The following CEP120 variants were observed in gnomAD, a reference collection of about 807,000 sequenced individuals.
CEP120 encodes centrosomal protein of 120 kDa.
In CEP120, 113 loss-of-function variants were observed where a neutral mutation model predicts 126.5. That is an observed-to-expected ratio of 0.89 (90% CI 0.77 to 1.04). The LOEUF (loss-of-function observed/expected upper bound fraction) is 1.04. CEP120 is among the 50% of genes least tolerant of loss of function. The pLI is 0.00. For synonymous variants in CEP120, 400 were observed against 394.3 expected (o/e 1.01, Z -0.17); for missense variants, 1,230 against 1,155.7 (o/e 1.06, Z -0.93).
chr5:123,421,627 A>G lies in CEP120; in HGVS notation c.49+1323T>C, dbSNP rs2127147460. Among the ~76,000 whole-genome samples, 2 of 146,988 alleles carry G rather than the reference A, an allele frequency of 1.4e-5. 1 individual carries two copies. Among genetic ancestry groups the G allele is most frequent in the African/African-American group, 5.1e-5 (2 of 39,448 alleles). On this transcript the variant is annotated intron_variant, in intron 1 of 19. Coordinates refer to ENST00000306467, the MANE Select transcript of CEP120 (RefSeq NM_001375405.1). ...ACCCTACCCTCAAACCTATATTTAC[A>G]GTACATATCACATATTTTAAATATT... is the stretch of plus-strand genomic sequence containing the variant.
At chr5:123,346,888 C>T (rs766861020) in intron 19 of CEP120, 135 bp from the exon 20 acceptor site, 45 of 609,524 alleles carry the variant, frequency 7.4e-5, no homozygotes, top group Non-Finnish European at 2.6e-5. Context: ...CAAAAAAAAC[C>T]AGTGTTCCAC....
intron 18 of CEP120, among the ~76,000 whole-genome samples, chr5:123,352,877 T>G (rs1036821619): frequency 1.4e-4 from 22 of 151,920 alleles, no homozygotes; most frequent in African/African-American, 5.3e-4. Context: ...CTAACATATT[T>G]CTTTGATTAT....
Position 123,350,037 on chromosome 5 carries a change from T to C in CEP120, c.2633A>G (p.Glu878Gly). The C allele has an allele frequency of 6.2e-7, 1 of 1,613,438 alleles. No homozygotes were observed. The highest frequency in any genetic ancestry group is 1.3e-5 in the African/African-American group (1 of 75,026). ...GGCAAGGTAACGTAGTCTCATCTGT[T>C]CCAATTCTTCCTGCTGTTTTTTAAG... is the stretch of plus-strand genomic sequence containing the variant. ...ARLKKQQEEL[E>G]QMRLRYLAAE... The change falls in exon 19 of 20, where the codon GAA becomes GGA. Residue 878 changes from glutamate (E) to glycine (G), a missense_variant. By Grantham distance (98) the Glu-to-Gly change is moderately conservative (BLOSUM62 -2). Transcript: ENST00000306467.
In CEP120 at chr5:123,414,946, T is replaced by C. The variant is rs1312839771; in HGVS notation, c.321+1064A>G. Among the ~76,000 whole-genome samples the C allele has an allele frequency of 3.5e-5, 4 of 114,412 alleles. No individual in the cohort carries two copies. In the South Asian group the frequency reaches 1.2e-3, roughly 34 times the overall value. The allele number at this position is 114,412 out of a possible 152,430, so 75.1% of individuals were successfully genotyped here. A position where few individuals can be genotyped will look rare whatever the true frequency, so the allele number is the denominator to read the frequency against. On this transcript the variant is annotated intron_variant, in intron 3 of 19. Coordinates refer to ENST00000306467, the MANE Select transcript of CEP120 (RefSeq NM_001375405.1). ...GAGATCGTGCCACTACACTCCAGCC[T>C]GGGCAACAGAGCAAGACTCCATCTC...
rs746848936 is a variant in CEP120 at position 123,377,479 on chromosome 5, C to T, written c.2253G>A (p.Leu751=). Residue 751 remains leucine, a synonymous_variant, in exon 16 of 20, where the codon CTG becomes CTA. Coordinates refer to ENST00000306467, the MANE Select transcript of CEP120 (RefSeq NM_001375405.1). Reference sequence around the variant, plus strand: ...CTTTGGCCCTACGGATAGAGTCCTGCAGTTCTTGCAGGTTCCGCTGACGTT... The same window carrying T: ...CTTTGGCCCTACGGATAGAGTCCTGTAGTTCTTGCAGGTTCCGCTGACGTT... ...QSERQRNLQE[L]QDSIRRAKED... 6.2e-7 allele frequency: 1 copy of T among 1,603,340 alleles called. No individual in the cohort carries two copies. The highest frequency in any genetic ancestry group is 1.1e-5 in the South Asian group (1 of 88,084).
chr5:123,416,600 A>T (rs963134133), intron 2 of CEP120, among the ~76,000 whole-genome samples: 6 of 148,986 alleles, frequency 4.0e-5, no homozygotes, highest in Non-Finnish European at 9.1e-5. Context: ...AAAATAAAAA[A>T]AATAAACAGG....
At chr5:123,396,446 C>T (rs981169883) in intron 5 of CEP120, among the ~76,000 whole-genome samples, 4 of 151,496 alleles carry the variant, frequency 2.6e-5, no homozygotes, top group Admixed American at 2.0e-4. Flanking sequence ...TTAAACTAAA[C>T]TGAAACAGTA....
intron 17 of CEP120, 39 bp downstream of exon 17, chr5:123,372,611 A>T: frequency 6.3e-7 from 1 of 1,575,428 alleles, no homozygotes; most frequent in Non-Finnish European, 8.7e-7. Context: ...TAAATTAATC[A>T]CTGGGACTAG....
At chr5:123,368,536 A>G (rs1276378495) in intron 17 of CEP120, among the ~76,000 whole-genome samples, 2 of 152,022 alleles carry the variant, frequency 1.3e-5, no homozygotes, top group Non-Finnish European at 2.9e-5. Flanking sequence ...AAGACTTGCA[A>G]TTAAAGCAAT....
chr5:123,375,263 A>G (rs926953213), intron 16 of CEP120, among the ~76,000 whole-genome samples: 1 of 151,978 alleles, frequency 6.6e-6, no homozygotes, highest in African/African-American at 2.4e-5. Context: ...AGTTCTTCCC[A>G]CCAAAGTTAG....
chr5:123,401,830 C>T (rs1379516762), intron 4 of CEP120: 61 of 1,457,432 alleles, frequency 4.2e-5, no homozygotes, highest in South Asian at 4.5e-5. Flanking sequence ...AAGTCCTCCA[C>T]CAGCCCCTAC....
At chr5:123,377,271 T>C in intron 16 of CEP120, 103 bp downstream of exon 16, 1 of 1,050,940 alleles carries the variant, frequency 9.5e-7, no homozygotes, top group South Asian at 1.5e-5. Context: ...ATAGTCTAAA[T>C]TACTATGAAT....
chr5:123,418,490 C>T lies in CEP120; in HGVS notation c.75G>A (p.Lys25=), dbSNP rs1462581352. ...LEGRHFPKRP[K]HMLVVEAKFD... is the part of the protein sequence containing the mutation. ...ACTTTGCTTCCACTACAAGCATATG[C>T]TTTGGACGTTTGGGGAAATGCCGAC... Residue 25 remains lysine (K), a synonymous_variant, in exon 2 of 20, where the codon AAG becomes AAA. Coordinates refer to ENST00000306467, the MANE Select transcript of CEP120 (RefSeq NM_001375405.1). 3 of 1,608,692 alleles carry T rather than the reference C, an allele frequency of 1.9e-6. No homozygotes were observed. The highest frequency in any genetic ancestry group is 2.2e-5 in the South Asian group (2 of 90,342).
intron 19 of CEP120, among the ~76,000 whole-genome samples, chr5:123,348,495 A>G (rs1331396967): frequency 6.6e-6 from 1 of 152,254 alleles, no homozygotes; most frequent in Admixed American, 6.5e-5. Flanking sequence ...AATAAATGAG[A>G]ATAAAAGTAC....
chr5:123,421,811 A>C (rs1774735571), intron 1 of CEP120, among the ~76,000 whole-genome samples: 1 of 152,198 alleles, frequency 6.6e-6, no homozygotes, highest in South Asian at 2.1e-4. Flanking sequence ...ATGTTTTTAA[A>C]CAATAAGTAA....
Position 123,346,517 on chromosome 5 carries a change from T to TATTA in CEP120, c.2959_*1dup, listed in dbSNP as rs760909864. ...GTCTCTATAAAGCTTTTCCAAATGT[T>TATTA]ATTAATTACTGGCATTGCTTTTTGC... is the stretch of plus-strand genomic sequence containing the variant. On this transcript the variant is annotated 3_prime_UTR_variant, in exon 20 of 20. Transcript: ENST00000306467. 1.2e-6 allele frequency: 2 copies of TATTA among 1,600,626 alleles called. No individual in the cohort carries two copies. The highest frequency in any genetic ancestry group is 1.3e-5 in the African/African-American group (1 of 74,418).
intron 4 of CEP120, among the ~76,000 whole-genome samples, chr5:123,411,982 T>A (rs1432889709): frequency 1.3e-5 from 2 of 152,204 alleles, no homozygotes; most frequent in South Asian, 2.1e-4. Flanking sequence ...TTCTCTCTGC[T>A]CAATTTTACT....
chr5:123,401,268 G>C, intron 4 of CEP120: 1 of 1,609,072 alleles, frequency 6.2e-7, no homozygotes, highest in Non-Finnish European at 8.5e-7. Context: ...CCGCTGCAGG[G>C]CGGCCTCCAG....
chr5:123,365,315 A>T (rs76472629), intron 17 of CEP120, among the ~76,000 whole-genome samples: 3 of 151,818 alleles, frequency 2.0e-5, no homozygotes, highest in African/African-American at 7.2e-5. Context: ...ACTGAAGCCA[A>T]CTTGGCTATG....
Sources: allele counts gnomAD v4.1 joint callset (sites outside exome capture counted in the v4.1 genomes callset), GRCh38; gene constraint gnomAD v4.1.1; transcripts MANE v1.5; gene names NCBI Gene and HGNC (gene_info 2026-07-23, HGNC 2026-07-21).